Variants in TLL1 observed in about 807,000 individuals in gnomAD.
TLL1 encodes the protein tolloid-like protein 1.
A neutral mutation model predicts 128.2 loss-of-function variants in TLL1; 49 were observed. That is an observed-to-expected ratio of 0.38 (90% confidence interval 0.30 to 0.48). The LOEUF is 0.48. TLL1 is among the 20% of genes least tolerant of loss of function. TLL1 has a pLI of 0.96. For missense variants in TLL1, 1,123 were observed against 1,242.0 expected, an observed-to-expected ratio of 0.90 and a Z score of 1.44; for synonymous variants, 454 against 418.8, an observed-to-expected ratio of 1.08 and a Z score of -1.03.
At chr4:165,962,024 T>A (rs559604025) in intron 1 of TLL1, among the ~76,000 whole-genome samples, 7 of 152,086 alleles carry the variant, frequency 4.6e-5, no homozygotes, top group East Asian at 3.9e-4. Context: ...TGGCAAAAAA[T>A]TTATGGCTAT....
At chr4:165,895,869 T>C (rs140253862) in intron 1 of TLL1, among the ~76,000 whole-genome samples, 268 of 152,222 alleles carry the variant, frequency 1.8e-3, no homozygotes, top group African/African-American at 6.2e-3. Context: ...GAAATAGGTG[T>C]ATACTTCCAT....
At chr4:165,939,411 G>A (rs1426362137) in intron 1 of TLL1, among the ~76,000 whole-genome samples, 1 of 151,994 alleles carries the variant, frequency 6.6e-6, no homozygotes, top group Non-Finnish European at 1.5e-5. Flanking sequence ...CCTATATCTT[G>A]CATCTGACTA....
intron 1 of TLL1, among the ~76,000 whole-genome samples, chr4:165,987,231 T>C (rs957849656): frequency 1.2e-4 from 18 of 152,244 alleles, no homozygotes; most frequent in African/African-American, 3.8e-4. Flanking sequence ...ATTTGCATTG[T>C]AAATGCACCT....
At chr4:166,080,220 TAG>T (rs1326778029) in intron 18 of TLL1, among the ~76,000 whole-genome samples, 1 of 152,112 alleles carries the variant, frequency 6.6e-6, no homozygotes, top group Non-Finnish European at 1.5e-5. Flanking sequence ...TGTGTATTCA[TAG>T]AGAGAGACAG....
chr4:165,997,874 G>T (rs908202157), intron 5 of TLL1, among the ~76,000 whole-genome samples: 22 of 152,098 alleles, frequency 1.4e-4, no homozygotes, highest in African/African-American at 5.1e-4. Context: ...TGATCTCTTT[G>T]ATTCATCTTC....
At chr4:165,903,766 A>C (rs941532446) in intron 1 of TLL1, among the ~76,000 whole-genome samples, 6 of 119,948 alleles carry the variant, frequency 5.0e-5, no homozygotes, top group East Asian at 3.2e-4. Context: ...CACACACACA[A>C]ATAATAATAA....
At chr4:165,909,072 A>T (rs972210528) in intron 1 of TLL1, among the ~76,000 whole-genome samples, 1 of 152,138 alleles carries the variant, frequency 6.6e-6, no homozygotes, top group Non-Finnish European at 1.5e-5. Context: ...CTATAATCCC[A>T]TCTACTCGGG....
At chr4:165,967,942 A>T (rs528187691) in intron 1 of TLL1, among the ~76,000 whole-genome samples, 1 of 152,308 alleles carries the variant, frequency 6.6e-6, no homozygotes, top group Non-Finnish European at 1.5e-5. Flanking sequence ...GTTTATTTGG[A>T]TGTTTACATA....
chr4:165,955,128 G>A (rs867867160), intron 1 of TLL1, among the ~76,000 whole-genome samples: 30 of 152,060 alleles, frequency 2.0e-4, no homozygotes, highest in Non-Finnish European at 2.1e-4. Flanking sequence ...TTTCATAATA[G>A]AGGTGGAATC....
At chr4:165,883,866 A>G (rs1350785712) in intron 1 of TLL1, among the ~76,000 whole-genome samples, 2 of 152,186 alleles carry the variant, frequency 1.3e-5, no homozygotes, top group African/African-American at 4.8e-5. Flanking sequence ...TCTCTTGGCT[A>G]TTTGCTCATA....
chr4:165,916,472 G>T (rs1342897377), intron 1 of TLL1, among the ~76,000 whole-genome samples: 3 of 152,144 alleles, frequency 2.0e-5, no homozygotes, highest in Non-Finnish European at 4.4e-5. Flanking sequence ...GTACATCAGC[G>T]TCTGTGAATT....
intron 1 of TLL1, among the ~76,000 whole-genome samples, chr4:165,971,726 A>T (rs1274522753): frequency 1.3e-5 from 2 of 152,060 alleles, no homozygotes; most frequent in Non-Finnish European, 2.9e-5. Context: ...GCCTTTTAAA[A>T]TTTTTTAAAA....
At chr4:165,992,645 T>G (rs1283869078) in intron 2 of TLL1, among the ~76,000 whole-genome samples, 159 bp from the exon 3 acceptor site, 1 of 152,018 alleles carries the variant, frequency 6.6e-6, no homozygotes, top group African/African-American at 2.4e-5. Context: ...TGCTGTAGAG[T>G]TTTTACCCCC....
chr4:165,892,761 A>C (rs76904127), intron 1 of TLL1, among the ~76,000 whole-genome samples: 6,024 of 152,304 alleles, frequency 0.04, 384 homozygotes, highest in African/African-American at 0.13. Flanking sequence ...GTTTTGGGAC[A>C]GCTTATAGTC....
chr4:165,895,633 T>TAAAAAAAAAAAAAAAAAAA (rs57920393), intron 1 of TLL1, among the ~76,000 whole-genome samples: 1 of 68,456 alleles, frequency 1.5e-5, no homozygotes, highest in African/African-American at 1.0e-4. Flanking sequence ...AGACTTTTTG[T>TAAAAAAAAAAAAAAAAAAA]AAAAAAAAAA....
intron 19 of TLL1, among the ~76,000 whole-genome samples, chr4:166,095,116 A>G (rs1312835355): frequency 6.6e-6 from 1 of 152,102 alleles, no homozygotes; most frequent in Non-Finnish European, 1.5e-5. Flanking sequence ...CCTTAAGTAT[A>G]CAGTTTAATT....
intron 7 of TLL1, among the ~76,000 whole-genome samples, chr4:166,009,381 A>G (rs1044351249): frequency 6.6e-6 from 1 of 151,476 alleles, no homozygotes; most frequent in African/African-American, 2.4e-5. Context: ...AGAGAAAAAC[A>G]ATTTATTCTT....
In TLL1 at chr4:166,074,918, C is replaced by G. The variant is rs746313654; in HGVS notation, c.2229C>G (p.His743Gln). ...CTAAGGATAATGGTGGATGTCAGCA[C>G]GAATGTGTCAACACGATGGGGAGCT... ...ECSKDNGGCQ[H>Q]ECVNTMGSYM... Residue 743 changes from histidine to glutamine, a missense_variant, in exon 17 of 21, where the codon CAC becomes CAG. Physicochemically the swap from His to Gln is conservative, Grantham distance 24 (BLOSUM62 0). Coordinates refer to ENST00000061240, the MANE Select transcript of TLL1 (RefSeq NM_012464.5). 4.3e-6 allele frequency: 7 copies of G among 1,613,442 alleles called. No individual in the cohort carries two copies. Among genetic ancestry groups the G allele is most frequent in the Admixed American group, 1.7e-5 (1 of 59,958 alleles).
chr4:165,931,461 G>A (rs1489400109), intron 1 of TLL1, among the ~76,000 whole-genome samples: 1 of 152,136 alleles, frequency 6.6e-6, no homozygotes, highest in African/African-American at 2.4e-5. Context: ...ATTCACACCT[G>A]TAATCCCAGC....
Sources: allele counts gnomAD v4.1 joint callset (sites outside exome capture counted in the v4.1 genomes callset), GRCh38; gene constraint gnomAD v4.1.1; transcripts MANE v1.5; gene names NCBI Gene and HGNC (gene_info 2026-07-23, HGNC 2026-07-21).